The following VGLL4 variants were observed in gnomAD, a reference collection of about 807,000 sequenced individuals.
The protein encoded by VGLL4 is transcription cofactor vestigial-like protein 4.
VGLL4 carries 7 observed loss-of-function variants against 21.0 expected under a neutral mutation model. That is an observed-to-expected ratio of 0.33 (90% CI 0.19 to 0.63). The LOEUF is 0.63. Among genes scored for constraint, VGLL4 ranks in the 20% least tolerant of loss-of-function variants. The pLI is 0.78. For synonymous variants in VGLL4, 222 were observed against 173.2 expected (o/e 1.28, Z -2.21); for missense variants, 394 against 425.7 (o/e 0.93, Z 0.66).
intron 2 of VGLL4, among the ~76,000 whole-genome samples, chr3:11,595,428 T>C (rs1441872768): frequency 3.0e-4 from 45 of 152,124 alleles, no homozygotes; most frequent in Admixed American, 9.2e-4. Flanking sequence ...GTCAGTGTGG[T>C]GATTCCTCAG....
At chr3:11,600,302 T>A (rs879602854) in intron 2 of VGLL4, among the ~76,000 whole-genome samples, 1 of 151,182 alleles carries the variant, frequency 6.6e-6, no homozygotes, top group Non-Finnish European at 1.5e-5. Flanking sequence ...TGTGGCAGAA[T>A]CAGGATTTAA....
At position 11,565,654 on chromosome 3, in the gene VGLL4, T is replaced by C. The variant is rs572469656; in HGVS notation, c.273-635A>G. 1.2e-4 allele frequency among the ~76,000 whole-genome samples: 19 copies of C among 152,280 alleles called. No individual in the cohort carries two copies. The highest frequency in any genetic ancestry group is 4.3e-4 in the African/African-American group (18 of 41,560). On this transcript the variant is annotated intron_variant, in intron 2 of 4. Coordinates refer to ENST00000430365, the MANE Select transcript of VGLL4 (RefSeq NM_001128219.3). The surrounding 1 kb of genome is among the most constrained non-coding windows in gnomAD (Gnocchi z 4.1). Reference sequence around the variant, plus strand: ...GCTGTAGGGAGCCGGCGCGCAGCTCTCTCGTCCAGGACACACGAGCAGGAG... The same window carrying C: ...GCTGTAGGGAGCCGGCGCGCAGCTCCCTCGTCCAGGACACACGAGCAGGAG...
chr3:11,558,853 G>A (rs774991073), intron 4 of VGLL4, 26 bp from the exon 5 acceptor site: 9 of 1,606,752 alleles, frequency 5.6e-6, no homozygotes, highest in African/African-American at 2.7e-5. Flanking sequence ...AAGGCAGGCA[G>A]TCAGACACAG....
intron 1 of VGLL4, among the ~76,000 whole-genome samples, chr3:11,632,675 G>A (rs2075507375): frequency 6.6e-6 from 1 of 152,212 alleles, no homozygotes; most frequent in Non-Finnish European, 1.5e-5. Flanking sequence ...TTTGGATATA[G>A]TCACTCTGAA....
intron 1 of VGLL4, among the ~76,000 whole-genome samples, chr3:11,603,457 C>CA (rs2074854483): frequency 6.6e-6 from 1 of 151,922 alleles, no homozygotes; most frequent in Non-Finnish European, 1.5e-5. Flanking sequence ...TTTTAAAAAA[C>CA]AAAAAAAGCA....
At chr3:11,627,538 T>A (rs2075379260) in intron 1 of VGLL4, 1 of 145,022 alleles carries the variant, frequency 6.9e-6, no homozygotes, top group Non-Finnish European at 1.5e-5. Context: ...GAGGTTCCAG[T>A]GAGCCAAGAT....
intron 1 of VGLL4, among the ~76,000 whole-genome samples, chr3:11,643,076 C>A (rs866717020): frequency 2.0e-5 from 3 of 152,178 alleles, no homozygotes; most frequent in Middle Eastern, 3.2e-3. Context: ...AGCCCCTCCC[C>A]CAAAGAGGCT....
rs2073453359 is a variant in VGLL4 at position 11,565,707 on chromosome 3, A to AG, written c.273-689dup. 6.6e-6 allele frequency among the ~76,000 whole-genome samples: 1 copy of AG among 152,214 alleles called. No homozygotes were observed. ...ACCTGCGTCCAGAAGGTCCATCACT[A>AG]GCCCTGGCCATGTGCTGAGCACCCA... is the stretch of plus-strand genomic sequence containing the variant. On this transcript the variant is annotated intron_variant, in intron 2 of 4. Coordinates refer to ENST00000430365, the MANE Select transcript of VGLL4 (RefSeq NM_001128219.3). The surrounding 1 kb of genome is among the most constrained non-coding windows in gnomAD (Gnocchi z 4.1).
Position 11,568,878 on chromosome 3 carries a change from G to A in VGLL4, c.273-3859C>T, listed in dbSNP as rs762882114. Reference sequence around the variant, plus strand: ...CCTATCAGAGCCGCTGAGGCTGCACGGCACCCGGCCCCGCCCCGGGCCTCA... The same window carrying A: ...CCTATCAGAGCCGCTGAGGCTGCACAGCACCCGGCCCCGCCCCGGGCCTCA... On this transcript the variant is annotated intron_variant, in intron 2 of 4. Coordinates refer to ENST00000430365, the MANE Select transcript of VGLL4 (RefSeq NM_001128219.3). The surrounding 1 kb of genome is among the most constrained non-coding windows in gnomAD (Gnocchi z 5.9). The A allele has an allele frequency of 3.5e-5, 47 of 1,347,652 alleles. 1 individual carries two copies. The highest frequency in any genetic ancestry group is 1.3e-4 in the Admixed American group (4 of 30,008). 83.5% of individuals were successfully genotyped at this position (1,347,652 alleles called of 1,614,324 possible).
chr3:11,637,759 A>G (rs1203885520), intron 1 of VGLL4, among the ~76,000 whole-genome samples: 1 of 149,392 alleles, frequency 6.7e-6, no homozygotes, highest in East Asian at 2.0e-4. Flanking sequence ...AAGAAAGCAA[A>G]ATCATTTTCA....
Position 11,653,146 on chromosome 3 carries a change from CTGCACAG to C in VGLL4, c.64+49818_64+49824del, listed in dbSNP as rs980288305. On this transcript the variant is annotated intron_variant, in intron 2 of 5. Transcript: ENST00000273038. The surrounding 1 kb of genome is among the most constrained non-coding windows in gnomAD (Gnocchi z 4.2). ...AACTTCATTTCACAGGTCAGTCTGC[CTGCACAG>C]TGCTTCATTCATTATGCAGCACGCT... 6.6e-6 allele frequency among the ~76,000 whole-genome samples: 1 copy of C among 152,250 alleles called. No homozygotes were observed. The highest frequency in any genetic ancestry group is 2.4e-5 in the African/African-American group (1 of 41,464).
At chr3:11,574,919 T>C (rs17034698) in intron 2 of VGLL4, among the ~76,000 whole-genome samples, 1,996 of 150,134 alleles carry the variant, frequency 0.013, 52 homozygotes, top group African/African-American at 0.045. Context: ...TGCGCCTACA[T>C]ACAAAAGGGA....
At chr3:11,684,691 C>G (rs1232085481) in intron 2 of VGLL4, among the ~76,000 whole-genome samples, 1 of 151,562 alleles carries the variant, frequency 6.6e-6, no homozygotes, top group Non-Finnish European at 1.5e-5. Flanking sequence ...CCTAACATAA[C>G]TTTCTTCCAA....
intron 1 of VGLL4, among the ~76,000 whole-genome samples, chr3:11,625,006 C>T (rs2075327231): frequency 6.6e-6 from 1 of 152,222 alleles, no homozygotes; most frequent in Non-Finnish European, 1.5e-5. Flanking sequence ...ATCTGCAGAT[C>T]TGCCTTCTCA....
intron 3 of VGLL4, 38 bp from the exon 4 acceptor site, chr3:11,559,493 T>G (rs1033027497): frequency 6.6e-7 from 1 of 1,515,940 alleles, no homozygotes; most frequent in African/African-American, 1.4e-5. Flanking sequence ...GGAGACCAGC[T>G]TCAGTACCGG....
chr3:11,669,932 AG>A (rs2076179446), intron 2 of VGLL4, among the ~76,000 whole-genome samples: 2 of 152,308 alleles, frequency 1.3e-5, no homozygotes, highest in Admixed American at 6.5e-5. Context: ...CTAAGATTAC[AG>A]GCTTGAGCCA....
chr3:11,565,139 G>A lies in VGLL4; in HGVS notation c.273-120C>T, dbSNP rs2073408023. The A allele has an allele frequency of 9.6e-7, 1 of 1,042,992 alleles. No individual in the cohort carries two copies. The highest frequency in any genetic ancestry group is 2.6e-4 in the Middle Eastern group (1 of 3,870). 64.6% of individuals were successfully genotyped at this position (1,042,992 alleles called of 1,614,324 possible). ...TTTACCCTGAAGCTCAGGTCGTGTG[G>A]CTGGGCAGCACGATGAGGAGCCGGT... is the stretch of plus-strand genomic sequence containing the variant. On this transcript the variant is annotated intron_variant, in intron 2 of 4. Coordinates refer to ENST00000430365, the MANE Select transcript of VGLL4 (RefSeq NM_001128219.3). The surrounding 1 kb of genome is among the most constrained non-coding windows in gnomAD (Gnocchi z 4.1).
In VGLL4 at chr3:11,556,700, G is replaced by A. The variant is rs1043841002; in HGVS notation, c.*1856C>T. 3.3e-5 allele frequency: 5 copies of A among 152,656 alleles called. No homozygotes were observed. The Admixed American group carries it at 3.3e-4, about 10-fold the overall frequency. The allele number at this position is 152,656 out of a possible 1,614,324, so 9.5% of individuals were successfully genotyped here. ...AGCTACATATCATTAACAAATTAAT[G>A]TTCTTCAAAAAATACCTACAAATTT... On this transcript the variant is annotated 3_prime_UTR_variant, in exon 5 of 5. Transcript: ENST00000430365.
At chr3:11,591,138 G>A (rs1232341948) in intron 2 of VGLL4, among the ~76,000 whole-genome samples, 7 of 152,270 alleles carry the variant, frequency 4.6e-5, no homozygotes, top group Non-Finnish European at 1.0e-4. Flanking sequence ...ACACTCAGAG[G>A]ATCAGGAAAA....
Sources: allele counts gnomAD v4.1 joint callset (sites outside exome capture counted in the v4.1 genomes callset), GRCh38; gene constraint gnomAD v4.1.1; non-coding constraint Gnocchi (gnomAD v3.1); transcripts MANE v1.5; gene names NCBI Gene and HGNC (gene_info 2026-07-23, HGNC 2026-07-21).